SORCS2: variants seen among roughly 807,000 people sequenced by gnomAD.
The protein encoded by SORCS2 is VPS10 domain-containing receptor SorCS2.
A neutral mutation model predicts 141.6 loss-of-function variants in SORCS2; 100 were observed. That is an observed-to-expected ratio of 0.71 (90% confidence interval 0.60 to 0.83). The LOEUF is 0.83. SORCS2 is among the 40% of genes least tolerant of loss of function. The probability of loss-of-function intolerance (pLI) is 0.00; values close to 1 mark genes in which losing one functional copy is unlikely to be tolerated. For missense variants in SORCS2, 1,646 were observed against 1,560.2 expected, an observed-to-expected ratio of 1.05 and a Z score of -0.93; for synonymous variants, 789 against 676.9, an observed-to-expected ratio of 1.17 and a Z score of -2.57.
At chr4:7,423,051 G>A (rs1319965869) in intron 2 of SORCS2, among the ~76,000 whole-genome samples, 1 of 109,002 alleles carries the variant, frequency 9.2e-6, no homozygotes, top group Non-Finnish European at 1.8e-5. Flanking sequence ...ATCCCTCCCA[G>A]GGAACTTCTC....
intron 1 of SORCS2, among the ~76,000 whole-genome samples, chr4:7,285,843 G>A (rs1716186111): frequency 6.6e-6 from 1 of 152,196 alleles, no homozygotes; most frequent in Non-Finnish European, 1.5e-5. Context: ...GAGCAGAACT[G>A]AGTGAGTTCA....
intron 1 of SORCS2, among the ~76,000 whole-genome samples, chr4:7,338,073 GA>G (rs1720101311): frequency 1.3e-5 from 2 of 151,112 alleles, no homozygotes; most frequent in African/African-American, 4.9e-5. Flanking sequence ...GCACCTAGAA[GA>G]TGTTGGCTGG....
intron 1 of SORCS2, among the ~76,000 whole-genome samples, chr4:7,227,357 A>G (rs1331108947): frequency 6.6e-6 from 1 of 151,962 alleles, no homozygotes; most frequent in Non-Finnish European, 1.5e-5. Context: ...TCTGGCTCTG[A>G]TCCTCTCTGC....
chr4:7,407,394 A>G (rs1371872474), intron 2 of SORCS2, among the ~76,000 whole-genome samples: 3 of 152,192 alleles, frequency 2.0e-5, no homozygotes, highest in East Asian at 3.9e-4. Flanking sequence ...GAATTGTTAT[A>G]TCCTCATGGT....
intron 1 of SORCS2, among the ~76,000 whole-genome samples, chr4:7,336,115 G>T (rs1009029955): frequency 6.6e-6 from 1 of 152,252 alleles, no homozygotes; most frequent in African/African-American, 2.4e-5. Context: ...GCGTCCCCAT[G>T]TGTGCTGTGA....
intron 2 of SORCS2, among the ~76,000 whole-genome samples, chr4:7,470,778 G>A (rs73212552): frequency 6.6e-6 from 1 of 152,342 alleles, no homozygotes; most frequent in Non-Finnish European, 1.5e-5. Context: ...ACAAGGCAGT[G>A]GGAGGCAGGC....
intron 2 of SORCS2, among the ~76,000 whole-genome samples, chr4:7,407,527 T>C (rs1166846215): frequency 6.6e-6 from 1 of 152,028 alleles, no homozygotes; most frequent in East Asian, 1.9e-4. Flanking sequence ...TCAAGTTGCA[T>C]GGAATAACTT....
chr4:7,560,163 T>G (rs969003746), intron 3 of SORCS2, among the ~76,000 whole-genome samples: 3 of 152,198 alleles, frequency 2.0e-5, no homozygotes, highest in Non-Finnish European at 4.4e-5. Flanking sequence ...TGTAATTACC[T>G]TTATTGATCT....
At chr4:7,712,079 T>C (rs1725856559) in intron 14 of SORCS2, among the ~76,000 whole-genome samples, 2 of 152,154 alleles carry the variant, frequency 1.3e-5, no homozygotes, top group Admixed American at 1.3e-4. Context: ...GTACCATACA[T>C]GACACCCTAA....
At chr4:7,478,964 G>A (rs1730465899) in intron 2 of SORCS2, among the ~76,000 whole-genome samples, 1 of 152,172 alleles carries the variant, frequency 6.6e-6, no homozygotes, top group Admixed American at 6.5e-5. Flanking sequence ...TGATAGCTTT[G>A]TGTCACCTAA....
intron 2 of SORCS2, among the ~76,000 whole-genome samples, chr4:7,474,394 T>G (rs1195627683): frequency 1.3e-5 from 2 of 152,186 alleles, no homozygotes; most frequent in East Asian, 3.9e-4. Flanking sequence ...CCCTTCAATG[T>G]CAGGGAGCTC....
intron 2 of SORCS2, among the ~76,000 whole-genome samples, chr4:7,458,053 T>C (rs1729034099): frequency 1.3e-5 from 2 of 152,170 alleles, no homozygotes; most frequent in Admixed American, 6.5e-5. Context: ...ATTGACCTGG[T>C]TGAGTGGGTG....
At chr4:7,653,932 T>G (rs1423124902) in intron 4 of SORCS2, among the ~76,000 whole-genome samples, 1 of 152,204 alleles carries the variant, frequency 6.6e-6, no homozygotes, top group Non-Finnish European at 1.5e-5. Flanking sequence ...TCCTGCCAGC[T>G]GGCCCGGGGA....
At chr4:7,696,796 C>T (rs1459777298) in intron 11 of SORCS2, among the ~76,000 whole-genome samples, 1 of 152,226 alleles carries the variant, frequency 6.6e-6, no homozygotes, top group Non-Finnish European at 1.5e-5. Flanking sequence ...CAGGAGCTGT[C>T]TCCAAACACA....
chr4:7,586,006 G>A (rs1298592890), intron 3 of SORCS2, among the ~76,000 whole-genome samples: 2 of 152,200 alleles, frequency 1.3e-5, no homozygotes, highest in Non-Finnish European at 2.9e-5. Context: ...TTTTCACTGG[G>A]ATGGGTCTGA....
intron 1 of SORCS2, among the ~76,000 whole-genome samples, chr4:7,395,541 T>A (rs114383370): frequency 1.6e-3 from 251 of 152,320 alleles, no homozygotes; most frequent in African/African-American, 5.8e-3. Flanking sequence ...ACCCCCCAAC[T>A]TTTTTTGTTT....
chr4:7,723,363 T>G (rs1726729240), intron 18 of SORCS2, among the ~76,000 whole-genome samples: 2 of 152,108 alleles, frequency 1.3e-5, no homozygotes. Context: ...CGGGCCTCTG[T>G]GGGTCTCCCC....
chr4:7,615,387 A>C (rs1242800572), intron 3 of SORCS2, among the ~76,000 whole-genome samples: 1 of 152,176 alleles, frequency 6.6e-6, no homozygotes, highest in Non-Finnish European at 1.5e-5. Flanking sequence ...TGGAGAAAGG[A>C]AAATCTTTTT....
At chr4:7,380,502 C>G (rs899074356) in intron 1 of SORCS2, among the ~76,000 whole-genome samples, 3 of 152,100 alleles carry the variant, frequency 2.0e-5, no homozygotes, top group Non-Finnish European at 4.4e-5. Flanking sequence ...TGAGTGTTTT[C>G]CAAAGTGAGG....
Sources: allele counts gnomAD v4.1 joint callset (sites outside exome capture counted in the v4.1 genomes callset), GRCh38; gene constraint gnomAD v4.1.1; transcripts MANE v1.5; gene names NCBI Gene and HGNC (gene_info 2026-07-23, HGNC 2026-07-21).